The following PABPC4L variants were observed in gnomAD, a reference collection of about 807,000 sequenced individuals.
PABPC4L encodes the protein polyadenylate-binding protein 4-like.
For missense variants in PABPC4L, 452 were observed against 451.4 expected, an observed-to-expected ratio of 1.00 and a Z score of -0.01; for synonymous variants, 169 against 164.1, an observed-to-expected ratio of 1.03 and a Z score of -0.23.
At chr4:134,140,711 A>G in the PABPC4L span, among the ~76,000 whole-genome samples, 1 of 151,872 alleles carries the variant, frequency 6.6e-6, no homozygotes, top group African/African-American at 2.4e-5. Flanking sequence ...AATTTATAGG[A>G]GATACAATAT....
chr4:134,098,827 G>T, the PABPC4L span, among the ~76,000 whole-genome samples: 1 of 151,634 alleles, frequency 6.6e-6, no homozygotes. Context: ...AGGAGGTTGT[G>T]ATATCCTTAA....
chr4:134,192,137 A>G (rs1351682219), downstream of PABPC4L, among the ~76,000 whole-genome samples: 1 of 152,156 alleles, frequency 6.6e-6, no homozygotes, highest in Non-Finnish European at 1.5e-5. Context: ...CAAGTGATAT[A>G]TGAATAAACA....
chr4:134,079,647 G>T, the PABPC4L span, among the ~76,000 whole-genome samples: 1 of 145,354 alleles, frequency 6.9e-6, no homozygotes, highest in African/African-American at 2.5e-5. Context: ...AAGAATACAA[G>T]GATGTGTGTC....
At chr4:133,999,147 T>C in the PABPC4L span, among the ~76,000 whole-genome samples, 2 of 152,048 alleles carry the variant, frequency 1.3e-5, no homozygotes, top group African/African-American at 4.8e-5. Flanking sequence ...TCAACAAACA[T>C]AGCATAAATA....
the PABPC4L span, among the ~76,000 whole-genome samples, chr4:134,082,485 C>T: frequency 6.6e-6 from 1 of 151,854 alleles, no homozygotes; most frequent in Non-Finnish European, 1.5e-5. Flanking sequence ...TCTTGAGATT[C>T]GTTACTAGGA....
the PABPC4L span, among the ~76,000 whole-genome samples, chr4:134,100,619 T>C: frequency 6.6e-6 from 1 of 151,610 alleles, no homozygotes; most frequent in Non-Finnish European, 1.5e-5. Context: ...TTTTACTACC[T>C]CTCTATGTAC....
the PABPC4L span, among the ~76,000 whole-genome samples, chr4:134,093,650 G>C: frequency 6.8e-6 from 1 of 147,760 alleles, no homozygotes; most frequent in Non-Finnish European, 1.5e-5. Context: ...TTCTAATCAT[G>C]TATGAGACCA....
At chr4:134,066,667 G>A in the PABPC4L span, among the ~76,000 whole-genome samples, 1 of 152,094 alleles carries the variant, frequency 6.6e-6, no homozygotes, top group African/African-American at 2.4e-5. Context: ...TATGATGTTG[G>A]CTGTTGATTT....
At chr4:134,181,026 C>T in the PABPC4L span, among the ~76,000 whole-genome samples, 8 of 151,544 alleles carry the variant, frequency 5.3e-5, no homozygotes, top group Middle Eastern at 3.2e-3. Flanking sequence ...CCTAACTCTA[C>T]GAGGTCAGCA....
the PABPC4L span, among the ~76,000 whole-genome samples, chr4:134,122,991 G>A: frequency 2.0e-5 from 3 of 151,926 alleles, no homozygotes; most frequent in Non-Finnish European, 4.4e-5. Context: ...ATCATTTACA[G>A]TAGTTACATT....
the PABPC4L span, among the ~76,000 whole-genome samples, chr4:134,107,598 T>C: frequency 2.6e-4 from 40 of 151,640 alleles, no homozygotes; most frequent in Non-Finnish European, 4.7e-4. Context: ...TTTTTATACA[T>C]TGTTTTGTTG....
chr4:134,054,130 C>T, the PABPC4L span, among the ~76,000 whole-genome samples: 1 of 150,868 alleles, frequency 6.6e-6, no homozygotes, highest in African/African-American at 2.4e-5. Context: ...AGCTCTTTCT[C>T]CATATAAATT....
At chr4:134,179,765 A>G in the PABPC4L span, among the ~76,000 whole-genome samples, 4 of 152,098 alleles carry the variant, frequency 2.6e-5, no homozygotes, top group African/African-American at 9.7e-5. Flanking sequence ...ACTTTAAATC[A>G]ACAAAAATCA....
At chr4:134,150,373 C>A in the PABPC4L span, among the ~76,000 whole-genome samples, 2 of 152,000 alleles carry the variant, frequency 1.3e-5, no homozygotes, top group Non-Finnish European at 2.9e-5. Flanking sequence ...CATGAGCCAC[C>A]GTGCCCTGCA....
the PABPC4L span, among the ~76,000 whole-genome samples, chr4:134,021,694 C>T: frequency 2.6e-5 from 4 of 152,098 alleles, no homozygotes. Flanking sequence ...TTCACACCTA[C>T]TTTAAATTTT....
the PABPC4L span, among the ~76,000 whole-genome samples, chr4:134,072,491 T>C: frequency 6.6e-6 from 1 of 152,224 alleles, no homozygotes; most frequent in South Asian, 2.1e-4. Flanking sequence ...TTCTTTAGAA[T>C]TGTAGGTGTG....
At chr4:134,162,895 G>A in the PABPC4L span, among the ~76,000 whole-genome samples, 1 of 152,038 alleles carries the variant, frequency 6.6e-6, no homozygotes, top group Admixed American at 6.6e-5. Flanking sequence ...AGTGCTAAAT[G>A]CCTACATCAA....
chr4:134,011,117 C>T, the PABPC4L span, among the ~76,000 whole-genome samples: 2 of 152,032 alleles, frequency 1.3e-5, no homozygotes, highest in South Asian at 4.2e-4. Flanking sequence ...CTTTGTTCTA[C>T]TGTATTATTT....
At chr4:134,120,163 A>C in the PABPC4L span, among the ~76,000 whole-genome samples, 1 of 151,470 alleles carries the variant, frequency 6.6e-6, no homozygotes. Context: ...ACAGTTTTAG[A>C]AACTAGTATA....
Sources: gnomAD v4.1 joint callset for allele counts (sites outside exome capture counted in the v4.1 genomes callset) on GRCh38, gnomAD v4.1.1 for gene constraint, MANE v1.5 for transcripts, NCBI Gene and HGNC (gene_info 2026-07-23, HGNC 2026-07-21) for gene names.